The following LIMS1 variants were observed in gnomAD, a reference collection of about 807,000 sequenced individuals.
The protein encoded by LIMS1 is LIM zinc finger domain containing 1.
LIMS1 carries 18 observed loss-of-function variants against 44.1 expected under a neutral mutation model. The observed-to-expected ratio is 0.41, with a 90% CI of 0.28 to 0.61. LIMS1 has a LOEUF of 0.61. LIMS1 is among the 20% of genes least tolerant of loss of function. LIMS1 has a pLI of 0.32. For missense variants in LIMS1, 201 were observed against 422.0 expected, an observed-to-expected ratio of 0.48 and a Z score of 4.59; for synonymous variants, 93 against 149.1, an observed-to-expected ratio of 0.62 and a Z score of 2.74.
At chr2:108,572,753 A>G (rs1477899277) in intron 1 of LIMS1, among the ~76,000 whole-genome samples, 1 of 152,156 alleles carries the variant, frequency 6.6e-6, no homozygotes, top group Non-Finnish European at 1.5e-5. Flanking sequence ...GTAGGCAACG[A>G]TTACACTTTG....
At chr2:108,593,629 G>A (rs888545265) in intron 1 of LIMS1, among the ~76,000 whole-genome samples, 1 of 152,224 alleles carries the variant, frequency 6.6e-6, no homozygotes. Flanking sequence ...TCTGGGAAAG[G>A]TTGGGTGGGG....
chr2:108,552,215 A>G (rs1426713416), intron 1 of LIMS1, among the ~76,000 whole-genome samples: 1 of 144,450 alleles, frequency 6.9e-6, no homozygotes, highest in African/African-American at 2.5e-5. Flanking sequence ...ACAATATATA[A>G]TACATAATAC....
At chr2:108,549,275 G>GT (rs1558782542) in intron 1 of LIMS1, among the ~76,000 whole-genome samples, 11 of 86,432 alleles carry the variant, frequency 1.3e-4, no homozygotes, top group Admixed American at 3.0e-4. Context: ...CAAGTAAAGT[G>GT]TTTCTTTTTT....
intron 1 of LIMS1, among the ~76,000 whole-genome samples, chr2:108,646,047 T>C (rs1221587426): frequency 6.6e-6 from 1 of 152,128 alleles, no homozygotes; most frequent in Non-Finnish European, 1.5e-5. Flanking sequence ...ACAATAATAG[T>C]GGGAGACTTT....
chr2:108,605,679 T>C (rs1445644964), intron 1 of LIMS1, among the ~76,000 whole-genome samples: 1 of 152,184 alleles, frequency 6.6e-6, no homozygotes, highest in Non-Finnish European at 1.5e-5. Context: ...GATGCCCCAC[T>C]TAGAGAATGC....
chr2:108,568,146 T>A (rs1052465650), intron 1 of LIMS1, among the ~76,000 whole-genome samples: 1 of 152,258 alleles, frequency 6.6e-6, no homozygotes, highest in Non-Finnish European at 1.5e-5. Flanking sequence ...GGAACTTAAC[T>A]CTTGTTTGTA....
chr2:108,537,245 G>GGT (rs574603771), intron 1 of LIMS1, among the ~76,000 whole-genome samples: 28 of 152,136 alleles, frequency 1.8e-4, no homozygotes, highest in Non-Finnish European at 4.1e-4. Context: ...CCCTTAGAAA[G>GGT]GTCTTGGAGA....
intron 1 of LIMS1, among the ~76,000 whole-genome samples, chr2:108,592,102 G>GT (rs370354826): frequency 6.6e-6 from 1 of 151,998 alleles, no homozygotes; most frequent in Non-Finnish European, 1.5e-5. Context: ...GCCTAGTTTT[G>GT]TTTTTTTCAT....
chr2:108,555,839 C>G (rs1684909180), intron 1 of LIMS1, among the ~76,000 whole-genome samples: 1 of 152,164 alleles, frequency 6.6e-6, no homozygotes, highest in Admixed American at 6.5e-5. Context: ...GAGTGCTGGT[C>G]CATGCTTTGC....
At chr2:108,660,361 C>T (rs1691267337) in intron 2 of LIMS1, 2 of 463,290 alleles carry the variant, frequency 4.3e-6, no homozygotes, top group Admixed American at 4.8e-5. Flanking sequence ...CGGGTGTTAG[C>T]ATATGGTCTG....
intron 2 of LIMS1, among the ~76,000 whole-genome samples, chr2:108,665,608 C>A (rs533046583): frequency 6.6e-6 from 1 of 152,100 alleles, no homozygotes; most frequent in Non-Finnish European, 1.5e-5. Context: ...CTCACTGCAA[C>A]CTCCACCTCC....
intron 1 of LIMS1, among the ~76,000 whole-genome samples, chr2:108,564,041 CAAAAAAAAAAA>C (rs201454363): frequency 1.1e-5 from 1 of 92,404 alleles, no homozygotes; most frequent in Non-Finnish European, 2.1e-5. Flanking sequence ...GACCCTGTCT[CAAAAAAAAAAA>C]AAAAAAAAAA....
exon 6 of LIMS1, chr2:108,675,983 C>T (rs758889895): frequency 6.2e-6 from 10 of 1,613,988 alleles, no homozygotes; most frequent in Admixed American, 3.3e-5. Flanking sequence ...GACGGCCCAT[C>T]GAAGGGCGCG....
At chr2:108,536,421 C>G (rs201549307) in intron 1 of LIMS1, among the ~76,000 whole-genome samples, 1 of 152,208 alleles carries the variant, frequency 6.6e-6, no homozygotes, top group Non-Finnish European at 1.5e-5. Context: ...TGGAATCATA[C>G]GCTATTTGTT....
chr2:108,580,217 T>C (rs1302374784), intron 1 of LIMS1, among the ~76,000 whole-genome samples: 2 of 152,174 alleles, frequency 1.3e-5, no homozygotes, highest in Non-Finnish European at 2.9e-5. Flanking sequence ...GTGGGATGTC[T>C]CTATAGAGCA....
chr2:108,535,056 T>A (rs1344073249), intron 1 of LIMS1, among the ~76,000 whole-genome samples: 1 of 152,194 alleles, frequency 6.6e-6, no homozygotes, highest in African/African-American at 2.4e-5. Context: ...TATGTTAACG[T>A]ACATACCACA....
intron 1 of LIMS1, among the ~76,000 whole-genome samples, chr2:108,597,507 C>A (rs145741077): frequency 3.5e-4 from 54 of 152,222 alleles, no homozygotes; most frequent in African/African-American, 1.3e-3. Context: ...TTCTAGCATA[C>A]AACATCAAGT....
At chr2:108,575,774 A>G (rs908271642) in intron 1 of LIMS1, among the ~76,000 whole-genome samples, 3 of 152,064 alleles carry the variant, frequency 2.0e-5, no homozygotes, top group Admixed American at 2.0e-4. Context: ...CTGAGTCATC[A>G]GGGTTGTTTA....
chr2:108,551,467 CTATA>C (rs1056576070), intron 1 of LIMS1, among the ~76,000 whole-genome samples: 1 of 136,104 alleles, frequency 7.3e-6, no homozygotes, highest in Admixed American at 8.4e-5. Context: ...TTAGCACACT[CTATA>C]TACATATATG....
Sources: allele counts gnomAD v4.1 joint callset (sites outside exome capture counted in the v4.1 genomes callset), GRCh38; gene constraint gnomAD v4.1.1; transcripts MANE v1.5; gene names NCBI Gene and HGNC (gene_info 2026-07-23, HGNC 2026-07-21).